Variants in PML observed in about 807,000 individuals in gnomAD.
PML encodes protein PML.
Under a neutral mutation model 65.2 loss-of-function variants are expected in PML, and 28 were observed. The observed-to-expected ratio is 0.43, with a 90% CI of 0.32 to 0.59. The LOEUF (loss-of-function observed/expected upper bound fraction) is 0.59, where lower values mean the gene tolerates loss of function less well. PML is among the 20% of genes least tolerant of loss of function. The pLI, the probability that PML is intolerant of heterozygous loss-of-function variation, is 0.08. For synonymous variants in PML, 500 were observed against 508.8 expected (o/e 0.98, Z 0.23); for missense variants, 1,021 against 1,203.4 (o/e 0.85, Z 2.24).
At chr15:74,004,502 A>G (rs114277907) in intron 2 of PML, among the ~76,000 whole-genome samples, 2 of 151,868 alleles carry the variant, frequency 1.3e-5, no homozygotes, top group Non-Finnish European at 2.9e-5. Flanking sequence ...GGGTCTCACT[A>G]TATTGCCCAG....
chr15:74,022,897 G>A lies in PML; in HGVS notation c.672G>A (p.Glu224=), dbSNP rs17849258. 70 of 1,613,346 alleles carry A rather than the reference G, an allele frequency of 4.3e-5. 1 individual carries two copies. The South Asian group carries it at 6.8e-4, about 16-fold the overall frequency. ...CGCTCCTTGACAGCAGCCACAGTGA[G>A]CTCAAGTGCGACATCAGCGCAGAGA... ...SCALLDSSHS[E]LKCDISAEIQ... The change falls in exon 3 of 9, where the codon GAG becomes GAA. Residue 224 remains glutamate, a synonymous_variant. Transcript: ENST00000268058.
rs182191073 is a variant in PML at position 74,046,018 on chromosome 15, A to C, written c.*1010A>C. ...GGGAAGCAGTGTGGAACAGCAGAGA[A>C]AGTCCCGTCCCTATCTCTGACTGTG... On this transcript the variant is annotated 3_prime_UTR_variant, in exon 9 of 9. Coordinates refer to ENST00000268058, the MANE Select transcript of PML (RefSeq NM_033238.3). 1.8e-3 allele frequency: 410 copies of C among 232,804 alleles called. 1 individual carries two copies. The highest frequency in any genetic ancestry group is 6.4e-3 in the Middle Eastern group (5 of 784). 14.4% of individuals were successfully genotyped at this position (232,804 alleles called of 1,614,324 possible).
In PML at chr15:74,045,144, T is replaced by C. The variant is rs2071759104; in HGVS notation, c.*136T>C. On this transcript the variant is annotated 3_prime_UTR_variant, in exon 9 of 9. Coordinates refer to ENST00000268058, the MANE Select transcript of PML (RefSeq NM_033238.3). ...GTCATTTGGTTCAGAATCAGTTCCC[T>C]TTCTCTGGGACCAAATTTCCCTTCT... 5.1e-6 allele frequency: 4 copies of C among 789,570 alleles called. No homozygotes were observed. In the South Asian group the frequency reaches 7.4e-5, roughly 15 times the overall value. 48.9% of individuals were successfully genotyped at this position (789,570 alleles called of 1,614,324 possible).
chr15:74,034,116 C>T, intron 6 of PML: 1 of 395,338 alleles, frequency 2.5e-6, no homozygotes, highest in Non-Finnish European at 4.8e-6. Flanking sequence ...TCTAGACATC[C>T]CAGCTCATGG....
At chr15:74,005,541 T>C (rs2070002539) in intron 2 of PML, among the ~76,000 whole-genome samples, 2 of 152,110 alleles carry the variant, frequency 1.3e-5, no homozygotes, top group African/African-American at 4.8e-5. Flanking sequence ...GACTCCATTC[T>C]TCTATCTGCT....
At chr15:74,044,173 A>G in intron 8 of PML, 48 bp from the exon 9 acceptor site, 1 of 1,591,450 alleles carries the variant, frequency 6.3e-7, no homozygotes, top group Non-Finnish European at 8.6e-7. Flanking sequence ...CCCACCCCAG[A>G]GCTCTCTGTG....
intron 2 of PML, among the ~76,000 whole-genome samples, chr15:73,999,746 T>C (rs2069671490): frequency 6.6e-6 from 1 of 152,242 alleles, no homozygotes; most frequent in Admixed American, 6.5e-5. Context: ...ACTTACATAT[T>C]TATTGGATTT....
At chr15:74,000,326 G>A (rs1441768547) in intron 2 of PML, among the ~76,000 whole-genome samples, 1 of 151,716 alleles carries the variant, frequency 6.6e-6, no homozygotes, top group Non-Finnish European at 1.5e-5. Context: ...TATTTTTTGA[G>A]ACGGGGTCTT....
At chr15:74,013,520 T>C (rs985402691) in intron 2 of PML, among the ~76,000 whole-genome samples, 1 of 152,248 alleles carries the variant, frequency 6.6e-6, no homozygotes. Context: ...CTTTACTCTT[T>C]GAATTTTGAA....
chr15:73,995,435 T>C (rs2069434794), intron 1 of PML, among the ~76,000 whole-genome samples: 1 of 152,216 alleles, frequency 6.6e-6, no homozygotes, highest in Non-Finnish European at 1.5e-5. Context: ...TCCCAGCTCA[T>C]GTGGTTTCTG....
Position 74,042,778 on chromosome 15 carries a change from G to C in PML, c.1711-211G>C, listed in dbSNP as rs2071722464. On this transcript the variant is annotated intron_variant, in intron 7 of 8. Coordinates refer to ENST00000268058, the MANE Select transcript of PML (RefSeq NM_033238.3). This position sits in a 1 kb window ranked among gnomAD's most constrained non-coding sequence, Gnocchi z 5.3. ...CCCTACTCATGAGGGTGTATGCCCTGGTTCATACATGTAACCCTCACATGT... is the reference window on the plus strand; with the variant it reads ...CCCTACTCATGAGGGTGTATGCCCTCGTTCATACATGTAACCCTCACATGT... 1.0e-6 allele frequency: 1 copy of C among 984,988 alleles called. No individual in the cohort carries two copies. Among genetic ancestry groups the C allele is most frequent in the South Asian group, 4.7e-5 (1 of 21,264 alleles). 61.0% of individuals were successfully genotyped at this position (984,988 alleles called of 1,614,324 possible). A position where few individuals can be genotyped will look rare whatever the true frequency, so the allele number is the denominator to read the frequency against.
chr15:74,012,676 A>C (rs1381970791), intron 2 of PML, among the ~76,000 whole-genome samples: 19 of 152,230 alleles, frequency 1.2e-4, no homozygotes, highest in Non-Finnish European at 2.8e-4. Context: ...CTGCAATGAA[A>C]GATCAAGATG....
Position 74,045,018 on chromosome 15 carries a change from G to T in PML, c.*10G>T. 6.3e-7 allele frequency: 1 copy of T among 1,589,238 alleles called. No homozygotes were observed. Among genetic ancestry groups the T allele is most frequent in the Non-Finnish European group, 8.5e-7 (1 of 1,171,658 alleles). ...CTCCCAGCAGAGCTGAGAGGAGGGG[G>T]TGACCAGCTTGGAGTCTCTGGTGGG... On this transcript the variant is annotated 3_prime_UTR_variant, in exon 9 of 9. Transcript: ENST00000268058.
At position 73,998,449 on chromosome 15, in the gene PML, C is replaced by T. The variant is rs1162081356; in HGVS notation, c.575C>T (p.Pro192Leu). 2.5e-6 allele frequency: 4 copies of T among 1,613,882 alleles called. No individual in the cohort carries two copies. In the Admixed American group the frequency reaches 5.0e-5, roughly 20 times the overall value. ...ACCAACAACATCTTCTGCTCCAACC[C>T]CAACCACCGCACCCCTACGCTGACC... is the stretch of plus-strand genomic sequence containing the variant. ...RKTNNIFCSN[P>L]NHRTPTLTSI... is the part of the protein sequence containing the mutation. Residue 192 changes from proline to leucine, a missense_variant, in exon 2 of 9, where the codon CCC becomes CTC. Transcript: ENST00000268058.
At chr15:74,029,676 C>A (rs1313590738) in intron 4 of PML, among the ~76,000 whole-genome samples, 2 of 152,090 alleles carry the variant, frequency 1.3e-5, no homozygotes, top group East Asian at 3.8e-4. Context: ...ATGATTGTTA[C>A]ATGGGATGTA....
In PML at chr15:74,037,327, C is replaced by A. The variant is rs1476435244; in HGVS notation, c.1710+2797C>A. The A allele has an allele frequency of 4.1e-6, 4 of 985,428 alleles. No individual in the cohort carries two copies. Among genetic ancestry groups the A allele is most frequent in the Non-Finnish European group, 4.8e-6 (4 of 829,916 alleles). The allele number at this position is 985,428 out of a possible 1,614,324, so 61.0% of individuals were successfully genotyped here. On this transcript the variant is annotated intron_variant, in intron 7 of 8. Transcript: ENST00000268058. This position sits in a 1 kb window ranked among gnomAD's most constrained non-coding sequence, Gnocchi z 4.2. ...ATCCCCATCGCACCCCTTCCCTGCC[C>A]TCGTTAGGGTGGAAGGGATGTCCAC...
intron 2 of PML, among the ~76,000 whole-genome samples, chr15:74,009,875 C>T (rs182173706): frequency 2.6e-5 from 4 of 152,270 alleles, no homozygotes; most frequent in East Asian, 1.9e-4. Context: ...TTTAAAGCAG[C>T]GCAAGCCAAG....
chr15:74,004,789 C>T (rs1595882621), intron 2 of PML, among the ~76,000 whole-genome samples: 1 of 151,802 alleles, frequency 6.6e-6, no homozygotes, highest in Non-Finnish European at 1.5e-5. Context: ...TCATTGCAAC[C>T]TTTGCCTCCC....
rs1331905413 is a variant in PML, at chr15:73,998,234, G to A, written c.360G>A (p.Arg120=). Residue 120 remains arginine (R), a synonymous_variant, in exon 2 of 9, where the codon CGG becomes CGA. Transcript: ENST00000268058. ...ESLQRRLSVY[R]QIVDAQAVCT... ...TGCAGCGGCGCCTGTCGGTGTACCGGCAGATTGTGGATGCGCAGGCTGTGT... is the reference window on the plus strand; with the variant it reads ...TGCAGCGGCGCCTGTCGGTGTACCGACAGATTGTGGATGCGCAGGCTGTGT... 6.2e-7 allele frequency: 1 copy of A among 1,614,206 alleles called. No homozygotes were observed. Among genetic ancestry groups the A allele is most frequent in the Non-Finnish European group, 8.5e-7 (1 of 1,180,026 alleles).
Sources: allele counts gnomAD v4.1 joint callset (sites outside exome capture counted in the v4.1 genomes callset), GRCh38; gene constraint gnomAD v4.1.1; non-coding constraint Gnocchi (gnomAD v3.1); transcripts MANE v1.5; gene names NCBI Gene and HGNC (gene_info 2026-07-23, HGNC 2026-07-21).